CHRM2: variants seen among roughly 807,000 people sequenced by gnomAD.
CHRM2 encodes muscarinic acetylcholine receptor M2.
Under a neutral mutation model 25.0 loss-of-function variants are expected in CHRM2, and 8 were observed. That is an observed-to-expected ratio of 0.32 (90% CI 0.19 to 0.58). The LOEUF is 0.58. CHRM2 is among the 20% of genes least tolerant of loss of function. The pLI, the probability that CHRM2 is intolerant of heterozygous loss-of-function variation, is 0.88. For synonymous variants in CHRM2, 202 were observed against 205.7 expected (o/e 0.98, Z 0.15); for missense variants, 440 against 567.1 (o/e 0.78, Z 2.28).
chr7:136,972,416 A>G (rs533315825), intron 2 of CHRM2, among the ~76,000 whole-genome samples: 1 of 152,292 alleles, frequency 6.6e-6, no homozygotes, highest in Admixed American at 6.5e-5. Context: ...TCCAGAATCA[A>G]TAGCCTGTCA....
At chr7:136,970,951 C>T (rs745850994) in intron 2 of CHRM2, among the ~76,000 whole-genome samples, 51 of 152,108 alleles carry the variant, frequency 3.4e-4, no homozygotes, top group Non-Finnish European at 6.0e-4. Flanking sequence ...TTCCAAATTT[C>T]AAAACATCTG....
At chr7:136,929,526 T>C (rs1346491501) in intron 2 of CHRM2, among the ~76,000 whole-genome samples, 2 of 152,122 alleles carry the variant, frequency 1.3e-5, no homozygotes, top group African/African-American at 4.8e-5. Context: ...TTTTCACCTC[T>C]CCTTCTTTTG....
rs1805308622 is a variant in CHRM2 at position 137,018,929 on chromosome 7, C to T, written c.*2663C>T. The T allele has an allele frequency of 6.6e-6, 1 of 151,876 alleles. No homozygotes were observed. Among genetic ancestry groups the T allele is most frequent in the Admixed American group, 6.6e-5 (1 of 15,198 alleles). The allele number at this position is 151,876 out of a possible 1,614,324, so 9.4% of individuals were successfully genotyped here. On this transcript the variant is annotated 3_prime_UTR_variant, in exon 4 of 4. Transcript: ENST00000680005. Reference sequence around the variant, plus strand: ...AGTGGCTCTCAAACAGAGACAATTCCCCTCTCCCCGAAAGGGGACACTTAG... The same window carrying T: ...AGTGGCTCTCAAACAGAGACAATTCTCCTCTCCCCGAAAGGGGACACTTAG...
chr7:136,962,520 G>A (rs1411411172), intron 2 of CHRM2, among the ~76,000 whole-genome samples: 1 of 152,136 alleles, frequency 6.6e-6, no homozygotes, highest in Non-Finnish European at 1.5e-5. Context: ...CTCTAAGTAA[G>A]AACAGGTAGT....
intron 2 of CHRM2, among the ~76,000 whole-genome samples, chr7:136,894,136 AT>A (rs1434088230): frequency 1.3e-5 from 2 of 152,114 alleles, no homozygotes; most frequent in African/African-American, 4.8e-5. Context: ...ATCATATAAA[AT>A]CATAGGAGAT....
At chr7:136,878,918 G>A (rs954815062) in intron 2 of CHRM2, among the ~76,000 whole-genome samples, 1 of 151,748 alleles carries the variant, frequency 6.6e-6, no homozygotes, top group South Asian at 2.1e-4. Context: ...TTCTGATAAG[G>A]CTAAGGAAAA....
At chr7:136,917,424 C>T (rs1475671296) in intron 2 of CHRM2, among the ~76,000 whole-genome samples, 2 of 151,986 alleles carry the variant, frequency 1.3e-5, no homozygotes, top group Non-Finnish European at 2.9e-5. Context: ...CATATTACTG[C>T]TTGATCCACT....
intron 2 of CHRM2, among the ~76,000 whole-genome samples, chr7:136,969,870 G>T (rs1228146773): frequency 6.6e-6 from 1 of 152,142 alleles, no homozygotes; most frequent in African/African-American, 2.4e-5. Context: ...AAATACTATA[G>T]ACTGGGTGGT....
intron 2 of CHRM2, among the ~76,000 whole-genome samples, chr7:136,975,886 C>G (rs979648073): frequency 6.6e-6 from 1 of 152,068 alleles, no homozygotes; most frequent in Non-Finnish European, 1.5e-5. Flanking sequence ...CCAATACTCT[C>G]AAGGATGATG....
intron 2 of CHRM2, among the ~76,000 whole-genome samples, chr7:136,926,043 C>A (rs1798728542): frequency 6.6e-6 from 1 of 152,066 alleles, no homozygotes; most frequent in Non-Finnish European, 1.5e-5. Context: ...TTGGGACCAG[C>A]CTGGCCAACA....
chr7:136,900,458 G>A (rs1366991605), intron 2 of CHRM2, among the ~76,000 whole-genome samples: 2 of 152,058 alleles, frequency 1.3e-5, no homozygotes, highest in African/African-American at 2.4e-5. Flanking sequence ...TGGAGCAGCA[G>A]CATCTGATGG....
intron 2 of CHRM2, among the ~76,000 whole-genome samples, chr7:136,976,869 C>A (rs991026250): frequency 6.6e-6 from 1 of 152,140 alleles, no homozygotes; most frequent in African/African-American, 2.4e-5. Flanking sequence ...GGTGCTCTAA[C>A]TAATTCACTG....
chr7:137,018,857 A>G lies in CHRM2; in HGVS notation c.*2591A>G, dbSNP rs1805305918. The G allele has an allele frequency of 6.6e-6, 1 of 151,940 alleles. No homozygotes were observed. Among genetic ancestry groups the G allele is most frequent in the African/African-American group, 2.4e-5 (1 of 41,428 alleles). The allele number at this position is 151,940 out of a possible 1,614,324, so 9.4% of individuals were successfully genotyped here. A position where few individuals can be genotyped will look rare whatever the true frequency, so the allele number is the denominator to read the frequency against. On this transcript the variant is annotated 3_prime_UTR_variant, in exon 4 of 4. Coordinates refer to ENST00000680005, the MANE Select transcript of CHRM2 (RefSeq NM_001006630.2). ...GATAGATGATTGGAGAGATATGGAG[A>G]TTATATTCAAGGATTTTTATTAACC...
At chr7:136,994,311 A>G (rs2131030993) in intron 3 of CHRM2, among the ~76,000 whole-genome samples, 1 of 152,332 alleles carries the variant, frequency 6.6e-6, no homozygotes, top group African/African-American at 2.4e-5. Flanking sequence ...TGTCATCATT[A>G]GTGGTCATTC....
At chr7:136,901,303 G>T (rs1797193722) in intron 2 of CHRM2, among the ~76,000 whole-genome samples, 1 of 152,098 alleles carries the variant, frequency 6.6e-6, no homozygotes, top group South Asian at 2.1e-4. Flanking sequence ...AGTTCTAGCT[G>T]CATTCCAGCT....
chr7:136,962,198 T>C (rs1171290027), intron 2 of CHRM2, among the ~76,000 whole-genome samples: 1 of 152,044 alleles, frequency 6.6e-6, no homozygotes, highest in East Asian at 1.9e-4. Flanking sequence ...AGTGGTGCAA[T>C]CTTGGCTCAC....
chr7:136,902,928 C>T (rs1797310485), intron 2 of CHRM2: 1 of 342,790 alleles, frequency 2.9e-6, no homozygotes, highest in African/African-American at 2.2e-5. Context: ...CAAGTTTTTG[C>T]TTGTTTCCTT....
chr7:136,970,249 C>T (rs903012769), intron 2 of CHRM2, among the ~76,000 whole-genome samples: 2 of 152,002 alleles, frequency 1.3e-5, no homozygotes, highest in African/African-American at 2.4e-5. Context: ...TATCTTGGTC[C>T]TTATCTCTTT....
At chr7:136,965,026 A>G (rs1030356426) in intron 2 of CHRM2, among the ~76,000 whole-genome samples, 1 of 152,192 alleles carries the variant, frequency 6.6e-6, no homozygotes, top group Non-Finnish European at 1.5e-5. Context: ...CTTCATTTAA[A>G]TAAAACAGGT....
Sources: gnomAD v4.1 joint callset for allele counts (sites outside exome capture counted in the v4.1 genomes callset) on GRCh38, gnomAD v4.1.1 for gene constraint, MANE v1.5 for transcripts, NCBI Gene and HGNC (gene_info 2026-07-23, HGNC 2026-07-21) for gene names.